The following RGS7 variants were observed in gnomAD, a reference collection of about 807,000 sequenced individuals.
RGS7 encodes the protein regulator of G protein signaling 7.
Under a neutral mutation model 81.1 loss-of-function variants are expected in RGS7, and 27 were observed. That is an observed-to-expected ratio of 0.33 (90% CI 0.25 to 0.46). RGS7 has a LOEUF of 0.46. Ranked by LOEUF, RGS7 falls within the 20% of genes least tolerant of loss-of-function variation. The pLI is 1.00. For synonymous variants in RGS7, 208 were observed against 207.7 expected, an observed-to-expected ratio of 1.00 and a Z score of -0.01; for missense variants, 396 against 607.4, an observed-to-expected ratio of 0.65 and a Z score of 3.66.
At chr1:240,780,439 CAAAAAAA>C (rs34568911) in intron 18 of RGS7, among the ~76,000 whole-genome samples, 31 of 40,212 alleles carry the variant, frequency 7.7e-4, no homozygotes, top group Admixed American at 5.5e-3. Context: ...GACTCTGTCT[CAAAAAAA>C]AAAAAAAAAA....
rs187069745 is a variant in RGS7 at position 241,207,628 on chromosome 1, A to G, written c.79-108866T>C. 3.1e-3 allele frequency among the ~76,000 whole-genome samples: 478 copies of G among 152,258 alleles called. 2 individuals carry two copies. Among genetic ancestry groups the G allele is most frequent in the African/African-American group, 0.011 (454 of 41,550 alleles). ...AAATTAAAAAGGTAATATCAAAGAA[A>G]GTTATAATGGACTTGTTCAAAAAGC... On this transcript the variant is annotated intron_variant, in intron 2 of 18. Coordinates refer to ENST00000440928, the MANE Select transcript of RGS7 (RefSeq NM_001364886.1).
In RGS7 at chr1:241,245,427, C is replaced by A. The variant is rs181175998; in HGVS notation, c.78+110272G>T. Among the ~76,000 whole-genome samples, 841 of 151,952 alleles carry A rather than the reference C, an allele frequency of 5.5e-3. 9 individuals are homozygous for A. The highest frequency in any genetic ancestry group is 0.019 in the African/African-American group (784 of 41,382). On this transcript the variant is annotated intron_variant, in intron 2 of 18. Coordinates refer to ENST00000440928, the MANE Select transcript of RGS7 (RefSeq NM_001364886.1). ...ACCATGATTGTAAGTTTTGGTGATG[C>A]CTCCCCAGAAGCAGAAGCTTGCACA...
In RGS7 at chr1:240,821,638, A is replaced by G. The variant is rs146150199; in HGVS notation, c.685-5223T>C. Reference sequence around the variant, plus strand: ...TATATGGAGTTGAAGACATGTCCATATTTTATGCAGAAACAGCTAGAACCA... The same window carrying G: ...TATATGGAGTTGAAGACATGTCCATGTTTTATGCAGAAACAGCTAGAACCA... On this transcript the variant is annotated intron_variant, in intron 10 of 18. Coordinates refer to ENST00000440928, the MANE Select transcript of RGS7 (RefSeq NM_001364886.1). 3.1e-3 allele frequency among the ~76,000 whole-genome samples: 467 copies of G among 152,300 alleles called. 1 individual carries two copies. Among genetic ancestry groups the G allele is most frequent in the Non-Finnish European group, 5.0e-3 (337 of 68,026 alleles).
chr1:240,935,045 C>T (rs1274580187), intron 5 of RGS7, among the ~76,000 whole-genome samples: 2 of 148,672 alleles, frequency 1.3e-5, no homozygotes, highest in African/African-American at 2.5e-5. Flanking sequence ...CATGCCACAA[C>T]ACCCAGCTAA....
chr1:241,192,259 GTGTGT>G (rs1397679638), intron 2 of RGS7, among the ~76,000 whole-genome samples: 16 of 58,560 alleles, frequency 2.7e-4, no homozygotes, highest in Non-Finnish European at 7.3e-4. Context: ...GCACGTGTGT[GTGTGT>G]GTGTGTGTGT....
At chr1:241,033,804 C>T (rs1029847009) in intron 3 of RGS7, among the ~76,000 whole-genome samples, 8 of 151,950 alleles carry the variant, frequency 5.3e-5, no homozygotes, top group African/African-American at 1.9e-4. Flanking sequence ...CAAAGTGCCA[C>T]CTAAATTGCA....
intron 2 of RGS7, among the ~76,000 whole-genome samples, chr1:241,298,471 T>C (rs1325359769): frequency 6.6e-6 from 1 of 152,176 alleles, no homozygotes; most frequent in Non-Finnish European, 1.5e-5. Context: ...AGCCTACACA[T>C]AACCACTTCA....
intron 2 of RGS7, among the ~76,000 whole-genome samples, chr1:241,306,528 G>A (rs1032208810): frequency 6.1e-5 from 9 of 146,896 alleles, no homozygotes; most frequent in African/African-American, 1.8e-4. Context: ...ATGTACACAC[G>A]TCCACACACA....
At chr1:241,349,503 G>C (rs1329287100) in intron 2 of RGS7, among the ~76,000 whole-genome samples, 2 of 152,190 alleles carry the variant, frequency 1.3e-5, no homozygotes, top group Non-Finnish European at 2.9e-5. Context: ...AGCTGGAATT[G>C]AGTTCATGAT....
chr1:241,005,824 C>T (rs534011826), intron 3 of RGS7, among the ~76,000 whole-genome samples: 5 of 152,232 alleles, frequency 3.3e-5, no homozygotes, highest in South Asian at 4.2e-4. Flanking sequence ...CGTGAGCCAC[C>T]GCGCCCGGCC....
At chr1:240,880,485 A>G (rs1223752322) in intron 6 of RGS7, among the ~76,000 whole-genome samples, 2 of 152,286 alleles carry the variant, frequency 1.3e-5, no homozygotes, top group East Asian at 1.9e-4. Context: ...CACTGCAGCA[A>G]TCCTTCAAGG....
At chr1:241,325,580 T>C (rs1315833166) in intron 2 of RGS7, among the ~76,000 whole-genome samples, 3 of 152,172 alleles carry the variant, frequency 2.0e-5, no homozygotes, top group Admixed American at 6.5e-5. Context: ...TGACTTTCAC[T>C]AGGAAAGGAG....
chr1:241,028,848 T>C (rs7524479), intron 3 of RGS7, among the ~76,000 whole-genome samples: 28,831 of 152,006 alleles, frequency 0.19, 3,599 homozygotes, highest in African/African-American at 0.35. Context: ...ATAAAACCGA[T>C]GCGACGATGA....
chr1:240,916,175 G>A (rs1672579432), intron 6 of RGS7, among the ~76,000 whole-genome samples: 1 of 150,680 alleles, frequency 6.6e-6, no homozygotes, highest in African/African-American at 2.4e-5. Context: ...CTATTAAGGA[G>A]GCTGAGCATG....
At chr1:240,951,024 C>T (rs1173872934) in intron 4 of RGS7, among the ~76,000 whole-genome samples, 1 of 151,872 alleles carries the variant, frequency 6.6e-6, no homozygotes, top group African/African-American at 2.4e-5. Context: ...CAGGCTCAAG[C>T]AATCCTCCCA....
intron 2 of RGS7, among the ~76,000 whole-genome samples, chr1:241,247,775 A>C (rs978791431): frequency 1.3e-5 from 2 of 152,214 alleles, no homozygotes; most frequent in Non-Finnish European, 2.9e-5. Flanking sequence ...ATTATAAGAT[A>C]TATGTCCTCA....
chr1:240,791,216 A>G (rs1685948988), intron 18 of RGS7, among the ~76,000 whole-genome samples: 1 of 152,226 alleles, frequency 6.6e-6, no homozygotes, highest in Non-Finnish European at 1.5e-5. Context: ...GGTTGAAATT[A>G]CAGGAATAAG....
intron 9 of RGS7, among the ~76,000 whole-genome samples, chr1:240,839,612 A>C (rs1176138397): frequency 6.6e-6 from 1 of 152,128 alleles, no homozygotes; most frequent in Non-Finnish European, 1.5e-5. Flanking sequence ...GAGAGCTAGA[A>C]ATTTGTTCTG....
At chr1:241,240,932 A>G (rs937865594) in intron 2 of RGS7, among the ~76,000 whole-genome samples, 1 of 152,174 alleles carries the variant, frequency 6.6e-6, no homozygotes, top group African/African-American at 2.4e-5. Context: ...CCTGACATCA[A>G]GATGCCTTTA....
Sources: gnomAD v4.1 joint callset for allele counts (sites outside exome capture counted in the v4.1 genomes callset) on GRCh38, gnomAD v4.1.1 for gene constraint, MANE v1.5 for transcripts, NCBI Gene and HGNC (gene_info 2026-07-23, HGNC 2026-07-21) for gene names.